PCDHA2: variants seen among roughly 807,000 people sequenced by gnomAD.
PCDHA2 encodes protocadherin alpha-2.
A neutral mutation model predicts 66.0 loss-of-function variants in PCDHA2; 58 were observed. The ratio of observed to expected loss-of-function variants is 0.88; its 90% CI spans 0.71 to 1.09. The LOEUF (loss-of-function observed/expected upper bound fraction) is 1.09. Among genes scored for constraint, PCDHA2 ranks in the 50% least tolerant of loss-of-function variants. The pLI, the probability that PCDHA2 is intolerant of heterozygous loss-of-function variation, is 0.00. For missense variants in PCDHA2, 1,267 were observed against 1,242.3 expected (o/e 1.02, Z -0.30); for synonymous variants, 634 against 554.0 (o/e 1.14, Z -2.03).
At chr5:140,967,214 C>T (rs2096114688) in intron 1 of PCDHA2, 10 of 1,613,692 alleles carry the variant, frequency 6.2e-6, no homozygotes, top group Non-Finnish European at 8.5e-6. Context: ...GCGTTTCCCG[C>T]GGCCCAACTA....
chr5:140,806,796 T>C, intron 1 of PCDHA2: 1 of 204,112 alleles, frequency 4.9e-6, no homozygotes, highest in Non-Finnish European at 1.0e-5. Context: ...AAAAATTATT[T>C]CTACTGAAGT....
chr5:140,877,146 GA>G (rs781877505), intron 1 of PCDHA2: 8 of 1,613,700 alleles, frequency 5.0e-6, no homozygotes, highest in Admixed American at 3.3e-5. Context: ...TGCTGGACGA[GA>G]ACGACAACGC....
intron 3 of PCDHA2, among the ~76,000 whole-genome samples, chr5:141,004,805 A>G (rs1588069791): frequency 6.6e-6 from 1 of 152,310 alleles, no homozygotes; most frequent in African/African-American, 2.4e-5. Flanking sequence ...GCTGAGCTCA[A>G]TTGCAGATTT....
chr5:140,798,698 A>G (rs1263438118), intron 1 of PCDHA2, among the ~76,000 whole-genome samples: 1 of 152,340 alleles, frequency 6.6e-6, no homozygotes, highest in Non-Finnish European at 1.5e-5. Context: ...TTTCCAAAAG[A>G]TGAGGCCTGG....
Position 140,796,602 on chromosome 5 carries a change from C to T in PCDHA2, c.1638C>T (p.Gly546=), listed in dbSNP as rs555712743. 19 of 1,612,798 alleles carry T rather than the reference C, an allele frequency of 1.2e-5. No homozygotes were observed. Among genetic ancestry groups the T allele is most frequent in the Non-Finnish European group, 1.4e-5 (17 of 1,179,666 alleles). ...SARDAGVPPL[G]SNVTLQVFVL... ...GGGATGCGGGCGTGCCGCCTCTGGG[C>T]AGCAACGTGACGCTGCAGGTGTTCG... The change falls in exon 1 of 4, where the codon GGC becomes GGT. Residue 546 remains glycine, a synonymous_variant. Transcript: ENST00000526136.
At chr5:140,808,465 C>T (rs372009115) in intron 1 of PCDHA2, 7 of 1,614,064 alleles carry the variant, frequency 4.3e-6, no homozygotes, top group Admixed American at 1.7e-5. Flanking sequence ...TGGTGGTGAC[C>T]GCGCGAGACG....
intron 1 of PCDHA2, among the ~76,000 whole-genome samples, chr5:140,975,810 A>T (rs1310331964): frequency 7.4e-6 from 1 of 134,690 alleles, no homozygotes; most frequent in African/African-American, 2.5e-5. Context: ...TTATAATTTT[A>T]ATAGGAACTG....
At chr5:140,829,349 G>A (rs1770243547) in intron 1 of PCDHA2, 1 of 1,614,120 alleles carries the variant, frequency 6.2e-7, no homozygotes, top group Admixed American at 1.7e-5. Context: ...GAGCGTGTCG[G>A]CCTATGAGTT....
intron 1 of PCDHA2, chr5:140,808,790 G>A: frequency 6.2e-7 from 1 of 1,612,616 alleles, no homozygotes; most frequent in African/African-American, 1.3e-5. Flanking sequence ...GCAGTTTCAG[G>A]TGACCGCTCG....
In PCDHA2 at chr5:140,941,719, C is replaced by G. The variant is rs76426901; in HGVS notation, c.2389-37230C>G. 1.5e-4 allele frequency among the ~76,000 whole-genome samples: 23 copies of G among 152,260 alleles called. No individual in the cohort carries two copies. The East Asian group carries it at 4.0e-3, about 27-fold the overall frequency. ...GGCTTAGCTTTCCTCCACAATTTGT[C>G]CTAGCAGTTCCCCATTATCTTATCA... is the stretch of plus-strand genomic sequence containing the variant. On this transcript the variant is annotated intron_variant, in intron 1 of 3. Coordinates refer to ENST00000526136, the MANE Select transcript of PCDHA2 (RefSeq NM_018905.3).
At position 140,853,506 on chromosome 5, in the gene PCDHA2, A is replaced by G. The variant is rs1198826408; in HGVS notation, c.2388+56154A>G. On this transcript the variant is annotated intron_variant, in intron 1 of 3. Transcript: ENST00000526136. ...TCAATTCAAGTTAGAATCATGAAAC[A>G]ATAATGAAGCTCCTCCTATGTCTCT... The G allele has an allele frequency of 4.1e-6, 4 of 977,436 alleles. 1 individual carries two copies. The African/African-American group carries it at 7.1e-5, about 17-fold the overall frequency. The allele number at this position is 977,436 out of a possible 1,614,324, so 60.5% of individuals were successfully genotyped here. A position where few individuals can be genotyped will look rare whatever the true frequency, so the allele number is the denominator to read the frequency against.
At position 140,945,942 on chromosome 5, in the gene PCDHA2, A is replaced by G. The variant is rs534164272; in HGVS notation, c.2389-33007A>G. 2.0e-5 allele frequency among the ~76,000 whole-genome samples: 3 copies of G among 152,196 alleles called. No individual in the cohort carries two copies. In the South Asian group the frequency reaches 6.2e-4, roughly 32 times the overall value. ...ACTGATCTGAGCAATGATGTTTTTT[A>G]TATGACCCTGAAAGCACAGGCAATA... On this transcript the variant is annotated intron_variant, in intron 1 of 3. Coordinates refer to ENST00000526136, the MANE Select transcript of PCDHA2 (RefSeq NM_018905.3).
chr5:140,832,991 T>A (rs1772239778), intron 1 of PCDHA2, among the ~76,000 whole-genome samples: 1 of 152,170 alleles, frequency 6.6e-6, no homozygotes, highest in African/African-American at 2.4e-5. Flanking sequence ...TGAGGAATAG[T>A]CCACTTTGGG....
chr5:140,912,897 G>A (rs782442093), intron 1 of PCDHA2, among the ~76,000 whole-genome samples: 5 of 152,172 alleles, frequency 3.3e-5, no homozygotes, highest in Non-Finnish European at 5.9e-5. Context: ...TTGATATGAT[G>A]TATCATATTG....
At chr5:140,892,469 A>T (rs557049666) in intron 1 of PCDHA2, among the ~76,000 whole-genome samples, 1 of 152,184 alleles carries the variant, frequency 6.6e-6, no homozygotes, top group Admixed American at 6.5e-5. Context: ...ACGGTTATTC[A>T]GTTTCCTAGC....
chr5:140,962,389 G>A (rs551530521), intron 1 of PCDHA2, among the ~76,000 whole-genome samples: 3 of 152,170 alleles, frequency 2.0e-5, no homozygotes, highest in African/African-American at 4.8e-5. Context: ...TTAATATTAC[G>A]CAATCTGCCC....
At chr5:140,869,174 G>A (rs2050887580) in intron 1 of PCDHA2, 1 of 1,613,958 alleles carries the variant, frequency 6.2e-7, no homozygotes, top group Non-Finnish European at 8.5e-7. Flanking sequence ...CTCGAATTCT[G>A]GGAGGTGGGG....
At chr5:140,981,111 T>C (rs1275828842) in intron 2 of PCDHA2, among the ~76,000 whole-genome samples, 3 of 152,232 alleles carry the variant, frequency 2.0e-5, no homozygotes, top group African/African-American at 2.4e-5. Context: ...GAATTTCTAC[T>C]GGATATGTTG....
intron 1 of PCDHA2, chr5:140,858,242 C>G (rs1554151322): frequency 6.3e-7 from 1 of 1,596,300 alleles, no homozygotes; most frequent in Non-Finnish European, 8.6e-7. Flanking sequence ...CGCATGTGGG[C>G]CGGTGAAGCC....
Sources: gnomAD v4.1 joint callset for allele counts (sites outside exome capture counted in the v4.1 genomes callset) on GRCh38, gnomAD v4.1.1 for gene constraint, MANE v1.5 for transcripts, NCBI Gene and HGNC (gene_info 2026-07-23, HGNC 2026-07-21) for gene names.